The following CEP85L variants were observed in gnomAD, a reference collection of about 807,000 sequenced individuals.
CEP85L encodes centrosomal protein 85L, also known as centrosomal protein of 85 kDa-like.
In CEP85L, 60 loss-of-function variants were observed where a neutral mutation model predicts 100.3. That is an observed-to-expected ratio of 0.60 (90% CI 0.49 to 0.74). The LOEUF (loss-of-function observed/expected upper bound fraction) is 0.74, where lower values mean the gene tolerates loss of function less well. CEP85L is among the 30% of genes least tolerant of loss of function. The probability of loss-of-function intolerance (pLI) is 0.00; values close to 1 mark genes in which losing one functional copy is unlikely to be tolerated. For synonymous variants in CEP85L, 319 were observed against 322.7 expected (o/e 0.99, Z 0.12); for missense variants, 973 against 936.2 (o/e 1.04, Z -0.51).
chr6:118,648,273 A>G (rs750577527), intron 1 of CEP85L, among the ~76,000 whole-genome samples: 1 of 151,996 alleles, frequency 6.6e-6, no homozygotes, highest in Non-Finnish European at 1.5e-5. Flanking sequence ...ATAAATAAAT[A>G]CTCATTTTAT....
In CEP85L at chr6:118,565,774, A is replaced by T; in HGVS notation, c.775T>A (p.Leu259Ile). 1 of 1,614,184 alleles carries T rather than the reference A, an allele frequency of 6.2e-7. No homozygotes were observed. Among genetic ancestry groups the T allele is most frequent in the Non-Finnish European group, 8.5e-7 (1 of 1,180,016 alleles). ...RQPVDMTYSA[L>I]PESKPIMTSS... Reference sequence around the variant, plus strand: ...GTCATAATGGGCTTGCTTTCAGGTAAGGCACTATATGTCATGTCTACAGGC... The same window carrying T: ...GTCATAATGGGCTTGCTTTCAGGTATGGCACTATATGTCATGTCTACAGGC... Residue 259 changes from leucine to isoleucine, a missense_variant, in exon 3 of 13, where the codon TTA (leucine) becomes ATA (isoleucine). Leu to Ile is a conservative substitution (Grantham distance 5). Around this residue, in one of 3 missense-constraint regions of CEP85L, gnomAD observed 890 missense variants for 844.5 expected, o/e 1.05. Coordinates refer to ENST00000368491, the MANE Select transcript of CEP85L (RefSeq NM_001042475.3).
chr6:118,537,804 T>C, intron 3 of CEP85L: 1 of 985,344 alleles, frequency 1.0e-6, no homozygotes, highest in Non-Finnish European at 1.2e-6. Context: ...AAGTTTGTTA[T>C]CTCTCCTTCA....
chr6:118,652,518 G>A, upstream of CEP85L: 1 of 1,382,918 alleles, frequency 7.2e-7, no homozygotes, highest in South Asian at 1.5e-5. Context: ...CCATCACTCA[G>A]AGGTAAGTCG....
At chr6:118,499,073 A>G (rs1343941937) in intron 5 of CEP85L, among the ~76,000 whole-genome samples, 1 of 152,216 alleles carries the variant, frequency 6.6e-6, no homozygotes, top group East Asian at 1.9e-4. Context: ...AGGAAAATAC[A>G]ACCTATCAAA....
chr6:118,566,511 G>A (rs1167203757), intron 2 of CEP85L, among the ~76,000 whole-genome samples, 195 bp from the exon 3 acceptor site: 2 of 152,078 alleles, frequency 1.3e-5, no homozygotes, highest in Non-Finnish European at 2.9e-5. Context: ...TCTGCCTCCT[G>A]GGTTCAAGTG....
At chr6:118,470,270 AT>A (rs575072320) in intron 11 of CEP85L, among the ~76,000 whole-genome samples, 128 of 152,148 alleles carry the variant, frequency 8.4e-4, no homozygotes, top group Middle Eastern at 3.4e-3. Flanking sequence ...GCCTGGGGTG[AT>A]TGGAAAAAAA....
rs572644548 is a variant in CEP85L, at chr6:118,588,738, C to T, written c.233-22422G>A. ...TAACTTGTATAACTCAGTACTATAA[C>T]TAGAATTGTTTCCTATCGCCTAGAA... On this transcript the variant is annotated intron_variant, in intron 2 of 12. Transcript: ENST00000368491. Among the ~76,000 whole-genome samples the T allele has an allele frequency of 3.9e-5, 6 of 152,302 alleles. No homozygotes were observed. The South Asian group carries it at 1.2e-3, about 32-fold the overall frequency.
At chr6:118,488,553 C>T (rs1045234872) in intron 6 of CEP85L, among the ~76,000 whole-genome samples, 5 of 151,710 alleles carry the variant, frequency 3.3e-5, no homozygotes, top group South Asian at 2.1e-4. Flanking sequence ...CACCATTAAG[C>T]GGACAAATAT....
intron 5 of CEP85L, chr6:118,502,328 C>A: frequency 1.9e-6 from 1 of 514,690 alleles, no homozygotes; most frequent in Non-Finnish European, 3.6e-6. Context: ...GCAATTTCAG[C>A]AACCATGAGT....
At chr6:118,510,721 C>A (rs938204509) in intron 5 of CEP85L, among the ~76,000 whole-genome samples, 1 of 152,132 alleles carries the variant, frequency 6.6e-6, no homozygotes, top group South Asian at 2.1e-4. Flanking sequence ...ATGTAACTTA[C>A]AAGAATATCT....
In CEP85L at chr6:118,511,398, G is replaced by A. The variant is rs1775960693; in HGVS notation, c.1157C>T (p.Thr386Ile). The A allele has an allele frequency of 6.2e-7, 1 of 1,611,146 alleles. No homozygotes were observed. Among genetic ancestry groups the A allele is most frequent in the East Asian group, 2.2e-5 (1 of 44,812 alleles). ...ATCCCTTATCCTCTCATGCAGGTGGGTAATTTGTTGCTTCTGCCTGCAAAA... is the reference window on the plus strand; with the variant it reads ...ATCCCTTATCCTCTCATGCAGGTGGATAATTTGTTGCTTCTGCCTGCAAAA... ...IVIDRQKQQI[T>I]HLHERIRDNE... The change falls in exon 5 of 13, where the codon ACC becomes ATC. Residue 386 changes from threonine to isoleucine, a missense_variant. Around this residue, in one of 3 missense-constraint regions of CEP85L, gnomAD observed 890 missense variants for 844.5 expected, o/e 1.05. Transcript: ENST00000368491.
At chr6:118,574,038 AAAGCTCCCTT>A (rs1406456144) in intron 2 of CEP85L, 79 of 152,362 alleles carry the variant, frequency 5.2e-4, no homozygotes, top group African/African-American at 1.9e-3. Flanking sequence ...GTTCTTCTTC[AAAGCTCCCTT>A]GGTCTCTTGC....
intron 1 of CEP85L, among the ~76,000 whole-genome samples, chr6:118,647,690 C>T (rs1325969979): frequency 1.3e-5 from 2 of 152,038 alleles, no homozygotes; most frequent in Non-Finnish European, 2.9e-5. Context: ...AAATTATTTA[C>T]GAAAAGGAAC....
intron 1 of CEP85L, among the ~76,000 whole-genome samples, chr6:118,702,815 T>C (rs1173685855): frequency 6.6e-6 from 1 of 152,010 alleles, no homozygotes; most frequent in East Asian, 1.9e-4. Flanking sequence ...GCTAACATGG[T>C]GAAACCCCGT....
intron 1 of CEP85L, among the ~76,000 whole-genome samples, chr6:118,706,279 A>G (rs190552870): frequency 6.6e-6 from 1 of 152,308 alleles, no homozygotes; most frequent in East Asian, 1.9e-4. Flanking sequence ...GCCAGAAATG[A>G]AGCTGATGCA....
At chr6:118,514,022 T>C (rs909051319) in intron 4 of CEP85L, among the ~76,000 whole-genome samples, 3 of 152,168 alleles carry the variant, frequency 2.0e-5, no homozygotes, top group African/African-American at 4.8e-5. Context: ...CTATGCTTTA[T>C]AAGATTCTTA....
At chr6:118,483,939 C>A in intron 6 of CEP85L, 81 bp from the exon 7 acceptor site, 9 of 1,251,972 alleles carry the variant, frequency 7.2e-6, no homozygotes, top group Non-Finnish European at 1.0e-5. Flanking sequence ...ATATTAGACA[C>A]CATTGAATTC....
intron 2 of CEP85L, among the ~76,000 whole-genome samples, chr6:118,573,750 G>T (rs1780050163): frequency 6.6e-6 from 1 of 152,038 alleles, no homozygotes; most frequent in Non-Finnish European, 1.5e-5. Context: ...TTAAAAACCA[G>T]AAGATACGTA....
intron 1 of CEP85L, among the ~76,000 whole-genome samples, chr6:118,687,741 G>A (rs1447526128): frequency 2.0e-5 from 3 of 152,140 alleles, no homozygotes; most frequent in Non-Finnish European, 1.5e-5. Context: ...CTCGAGCTGA[G>A]CTTTTGCTCG....
Sources: gnomAD v4.1 joint callset for allele counts (sites outside exome capture counted in the v4.1 genomes callset) on GRCh38, gnomAD v4.1.1 for gene constraint, gnomAD v4.1.1 regional missense constraint, MANE v1.5 for transcripts, NCBI Gene and HGNC (gene_info 2026-07-23, HGNC 2026-07-21) for gene names.